Variants in RPTOR observed in about 807,000 individuals in gnomAD.
The protein encoded by RPTOR is regulatory associated protein of MTOR complex 1, also known as regulatory-associated protein of mTOR.
RPTOR carries 21 observed loss-of-function variants against 169.9 expected under a neutral mutation model. The observed-to-expected ratio is 0.12, with a 90% CI of 0.09 to 0.18. The LOEUF (loss-of-function observed/expected upper bound fraction) is 0.18. Ranked by LOEUF, RPTOR falls within the 10% of genes least tolerant of loss-of-function variation. RPTOR has a pLI of 1.00. For synonymous variants in RPTOR, 732 were observed against 753.2 expected (o/e 0.97, Z 0.46); for missense variants, 1,133 against 1,855.9 (o/e 0.61, Z 7.16).
At chr17:80,905,613 G>A (rs2068531799) in intron 20 of RPTOR, among the ~76,000 whole-genome samples, 1 of 149,584 alleles carries the variant, frequency 6.7e-6, no homozygotes. Context: ...AAAAAAAAAA[G>A]TTAGATGAAA....
At chr17:80,958,881 A>G (rs2069294983) in intron 29 of RPTOR, among the ~76,000 whole-genome samples, 1 of 152,216 alleles carries the variant, frequency 6.6e-6, no homozygotes, top group African/African-American at 2.4e-5. Flanking sequence ...GAGACCACAG[A>G]TACTGTGAGG....
At chr17:80,643,328 C>G (rs368907197) in intron 2 of RPTOR, among the ~76,000 whole-genome samples, 67 of 152,300 alleles carry the variant, frequency 4.4e-4, no homozygotes, top group African/African-American at 1.6e-3. Flanking sequence ...TTTTTCTCTC[C>G]TCCTTTTCCT....
intron 7 of RPTOR, among the ~76,000 whole-genome samples, chr17:80,814,206 CCTT>C (rs951403881): frequency 6.6e-6 from 1 of 151,974 alleles, no homozygotes; most frequent in South Asian, 2.1e-4. Flanking sequence ...GCTGTAGCCT[CCTT>C]CTTATTTAAA....
intron 9 of RPTOR, among the ~76,000 whole-genome samples, chr17:80,837,452 C>T (rs1304606809): frequency 6.6e-6 from 1 of 152,208 alleles, no homozygotes; most frequent in African/African-American, 2.4e-5. Context: ...CATGCCGACC[C>T]CTCCTGATGA....
intron 1 of RPTOR, among the ~76,000 whole-genome samples, chr17:80,571,393 G>A (rs933689426): frequency 1.3e-5 from 2 of 152,098 alleles, no homozygotes; most frequent in Non-Finnish European, 2.9e-5. Context: ...ACATCTGTGT[G>A]CCCCCAGCCC....
chr17:80,867,847 T>C (rs1054205369), intron 13 of RPTOR, among the ~76,000 whole-genome samples: 6 of 152,110 alleles, frequency 3.9e-5, no homozygotes, highest in Admixed American at 1.3e-4. Flanking sequence ...TACAAACCAT[T>C]GTGAAAAGAA....
At chr17:80,741,551 G>A (rs749944625) in intron 5 of RPTOR, among the ~76,000 whole-genome samples, 4 of 152,262 alleles carry the variant, frequency 2.6e-5, no homozygotes, top group African/African-American at 9.6e-5. Flanking sequence ...AGGCTGGAGG[G>A]TGGATGGAGG....
intron 1 of RPTOR, chr17:80,602,879 T>G (rs1236921949): frequency 2.1e-6 from 1 of 487,160 alleles, no homozygotes; most frequent in South Asian, 2.1e-5. Context: ...CCTCGCTGAT[T>G]GCAGAATGGC....
chr17:80,812,538 C>A (rs562235765), intron 7 of RPTOR, among the ~76,000 whole-genome samples: 30 of 152,168 alleles, frequency 2.0e-4, no homozygotes, highest in African/African-American at 7.2e-4. Flanking sequence ...TGTTGTTCCC[C>A]AGCCCCATGA....
chr17:80,722,521 G>A (rs1362352295), intron 4 of RPTOR, among the ~76,000 whole-genome samples: 1 of 150,956 alleles, frequency 6.6e-6, no homozygotes, highest in African/African-American at 2.5e-5. Context: ...GAGAGAGTGT[G>A]TGTTTGAGGG....
intron 7 of RPTOR, 65 bp downstream of exon 7, chr17:80,791,574 G>A: frequency 7.0e-7 from 1 of 1,436,140 alleles, no homozygotes; most frequent in South Asian, 1.2e-5. Flanking sequence ...CTTTTTGAAG[G>A]CTCTTGCTTC....
In RPTOR at chr17:80,651,294, A is replaced by C. The variant is rs2065637135; in HGVS notation, c.348+7484A>C. Among the ~76,000 whole-genome samples, 1 of 152,214 alleles carries C rather than the reference A, an allele frequency of 6.6e-6. No homozygotes were observed. Among genetic ancestry groups the C allele is most frequent in the South Asian group, 2.1e-4 (1 of 4,834 alleles). On this transcript the variant is annotated intron_variant, in intron 3 of 33. Transcript: ENST00000306801. The surrounding 1 kb of genome is among the most constrained non-coding windows in gnomAD (Gnocchi z 4.1). ...AACCCACCGTATGCTCGCCATATGC[A>C]ACTAGGAAGAGTTGTAAAATCCTGC...
intron 24 of RPTOR, among the ~76,000 whole-genome samples, chr17:80,928,705 C>T (rs747329885): frequency 3.3e-5 from 5 of 152,164 alleles, no homozygotes; most frequent in Admixed American, 1.3e-4. Context: ...TTACGGAGCT[C>T]GTGTCTACAT....
intron 5 of RPTOR, among the ~76,000 whole-genome samples, chr17:80,731,872 G>A (rs983876335): frequency 9.8e-5 from 15 of 152,308 alleles, no homozygotes; most frequent in South Asian, 8.3e-4. Context: ...ATTAACATGT[G>A]TACAGTTGAA....
intron 20 of RPTOR, among the ~76,000 whole-genome samples, chr17:80,895,606 G>A (rs899601910): frequency 6.6e-6 from 1 of 152,234 alleles, no homozygotes; most frequent in African/African-American, 2.4e-5. Context: ...CTTCAGCGTG[G>A]ATACACGTGA....
At chr17:80,774,334 G>T in intron 6 of RPTOR, 1 of 985,438 alleles carries the variant, frequency 1.0e-6, no homozygotes. Flanking sequence ...CATGTAAGCT[G>T]TTGAGTATGA....
At chr17:80,688,045 G>A (rs1869821843) in intron 3 of RPTOR, among the ~76,000 whole-genome samples, 1 of 152,188 alleles carries the variant, frequency 6.6e-6, no homozygotes, top group South Asian at 2.1e-4. Flanking sequence ...CCATGCTGTA[G>A]CCCAAAGCAT....
Position 80,925,574 on chromosome 17 carries a change from G to T in RPTOR, c.2919+94G>T, listed in dbSNP as rs2068802336. On this transcript the variant is annotated intron_variant, in intron 24 of 33. Transcript: ENST00000306801. Reference sequence around the variant, plus strand: ...TAAACGCTCAAGGCTTGTGGCTGTGGGAGCGTCCCATTGTGGTCGTGGTAG... The same window carrying T: ...TAAACGCTCAAGGCTTGTGGCTGTGTGAGCGTCCCATTGTGGTCGTGGTAG... The T allele has an allele frequency of 3.9e-6, 4 of 1,015,516 alleles. No individual in the cohort carries two copies. The Admixed American group carries it at 7.6e-5, about 19-fold the overall frequency. The allele number at this position is 1,015,516 out of a possible 1,614,324, so 62.9% of individuals were successfully genotyped here. A position where few individuals can be genotyped will look rare whatever the true frequency, so the allele number is the denominator to read the frequency against.
chr17:80,841,637 C>G (rs1306525987), intron 10 of RPTOR, among the ~76,000 whole-genome samples: 1 of 140,834 alleles, frequency 7.1e-6, no homozygotes, highest in African/African-American at 2.8e-5. Context: ...GCAGCTGACA[C>G]TCACCACACG....
Sources: allele counts gnomAD v4.1 joint callset (sites outside exome capture counted in the v4.1 genomes callset), GRCh38; gene constraint gnomAD v4.1.1; non-coding constraint Gnocchi (gnomAD v3.1); transcripts MANE v1.5; gene names NCBI Gene and HGNC (gene_info 2026-07-23, HGNC 2026-07-21).